The following GNE variants were observed in gnomAD, a reference collection of about 807,000 sequenced individuals.
The protein encoded by GNE is glucosamine (UDP-N-acetyl)-2-epimerase/N-acetylmannosamine kinase.
GNE carries 41 observed loss-of-function variants against 61.8 expected under a neutral mutation model. The observed-to-expected ratio is 0.66, with a 90% CI of 0.52 to 0.86. The LOEUF is 0.86. Ranked by LOEUF, GNE falls within the 40% of genes least tolerant of loss-of-function variation. The probability of loss-of-function intolerance (pLI) is 0.00; values close to 1 mark genes in which losing one functional copy is unlikely to be tolerated. For synonymous variants in GNE, 264 were observed against 326.4 expected, an observed-to-expected ratio of 0.81 and a Z score of 2.06; for missense variants, 608 against 909.1, an observed-to-expected ratio of 0.67 and a Z score of 4.26.
chr9:36,260,408 G>A (rs1830569134), upstream of GNE, among the ~76,000 whole-genome samples: 1 of 152,002 alleles, frequency 6.6e-6, no homozygotes, highest in South Asian at 2.1e-4. Context: ...GAAGAAAAAA[G>A]TAAAGTTTTA....
At chr9:36,260,007 T>G (rs1279348470), upstream of GNE, among the ~76,000 whole-genome samples, 4 of 152,040 alleles carry the variant, frequency 2.6e-5, no homozygotes, top group Non-Finnish European at 5.9e-5. Context: ...GGAGAATGGA[T>G]TGGTAGCAGT....
At chr9:36,251,099 C>T (rs1426286823) in intron 1 of GNE, among the ~76,000 whole-genome samples, 4 of 152,186 alleles carry the variant, frequency 2.6e-5, no homozygotes, top group South Asian at 4.1e-4. Context: ...AGTGAATCTC[C>T]GTATATCTAT....
chr9:36,241,911 G>A (rs1267290495), intron 3 of GNE, among the ~76,000 whole-genome samples: 3 of 151,982 alleles, frequency 2.0e-5, no homozygotes, highest in Non-Finnish European at 4.4e-5. Flanking sequence ...TGAGGAGGGC[G>A]GATCACCTGA....
chr9:36,263,513 A>G (rs1830676066), intron 1 of GNE: 1 of 154,354 alleles, frequency 6.5e-6, no homozygotes, highest in Middle Eastern at 8.0e-4. Flanking sequence ...AAGAGTTCAC[A>G]TAACTCTTCT....
intron 1 of GNE, among the ~76,000 whole-genome samples, chr9:36,271,058 T>C (rs1419136537): frequency 6.6e-6 from 1 of 152,114 alleles, no homozygotes; most frequent in Non-Finnish European, 1.5e-5. Flanking sequence ...ACTTCAGTGG[T>C]CCCCCATTCC....
intron 7 of GNE, 37 bp downstream of exon 7, chr9:36,227,211 A>T: frequency 3.1e-6 from 4 of 1,304,562 alleles, no homozygotes; most frequent in Non-Finnish European, 4.5e-6. Flanking sequence ...AATCGCTCAT[A>T]TGGGATATAA....
chr9:36,245,975 C>T (rs1049034260), intron 3 of GNE, 56 bp downstream of exon 3: 28 of 1,334,636 alleles, frequency 2.1e-5, no homozygotes, highest in Admixed American at 8.4e-5. Flanking sequence ...TTGAAATAGA[C>T]GGAACATTTT....
chr9:36,231,137 A>G (rs1423762832), intron 5 of GNE, among the ~76,000 whole-genome samples: 2 of 151,466 alleles, frequency 1.3e-5, no homozygotes, highest in Non-Finnish European at 2.9e-5. Context: ...GAAAGAAGGA[A>G]GGAAGGAAGG....
At chr9:36,241,874 G>A (rs543613703) in intron 3 of GNE, among the ~76,000 whole-genome samples, 23 of 152,184 alleles carry the variant, frequency 1.5e-4, no homozygotes, top group African/African-American at 5.3e-4. Flanking sequence ...GGTAGCTCAT[G>A]CCTATAATCC....
At chr9:36,257,366 G>A (rs1213574106) in intron 1 of GNE, among the ~76,000 whole-genome samples, 3 of 152,122 alleles carry the variant, frequency 2.0e-5, no homozygotes, top group Admixed American at 6.6e-5. Context: ...GCCCCATTCC[G>A]ACGCTATAAT....
chr9:36,243,890 T>C (rs1829752070), intron 3 of GNE, among the ~76,000 whole-genome samples: 1 of 152,102 alleles, frequency 6.6e-6, no homozygotes, highest in Non-Finnish European at 1.5e-5. Flanking sequence ...AGATTAAAAA[T>C]ATACAAAATC....
chr9:36,227,086 TAGTG>T (rs941115519), intron 7 of GNE, among the ~76,000 whole-genome samples, 158 bp downstream of exon 7: 2 of 152,130 alleles, frequency 1.3e-5, no homozygotes, highest in African/African-American at 4.8e-5. Flanking sequence ...ATCAGTAAAA[TAGTG>T]AGACAAACAT....
chr9:36,215,182 CCGGG>C lies in GNE; in HGVS notation c.*2179_*2182del, dbSNP rs936733455. ...TACTAAAAATACAAAAAAAAATCAG[CCGGG>C]CGTGGTGCATGTGCCTGTAATCCCA... On this transcript the variant is annotated 3_prime_UTR_variant, in exon 12 of 12. Coordinates refer to ENST00000642385, the MANE Select transcript of GNE (RefSeq NM_005476.7). The C allele has an allele frequency of 6.6e-6, 1 of 152,022 alleles. No homozygotes were observed. Among genetic ancestry groups the C allele is most frequent in the Non-Finnish European group, 1.5e-5 (1 of 68,032 alleles). 9.4% of individuals were successfully genotyped at this position (152,022 alleles called of 1,614,324 possible).
intron 1 of GNE, among the ~76,000 whole-genome samples, chr9:36,269,638 A>G (rs1830944395): frequency 1.4e-5 from 2 of 147,562 alleles, no homozygotes; most frequent in South Asian, 2.1e-4. Context: ...ATCTCAGTTT[A>G]TGTTGTTGGG....
intron 3 of GNE, among the ~76,000 whole-genome samples, chr9:36,238,255 G>A (rs948114356): frequency 1.3e-5 from 2 of 152,182 alleles, no homozygotes; most frequent in African/African-American, 4.8e-5. Flanking sequence ...GCGTGTGCAA[G>A]TATCTTTTTC....
upstream of GNE, among the ~76,000 whole-genome samples, chr9:36,261,610 C>T (rs2133176403): frequency 6.8e-6 from 1 of 147,782 alleles, no homozygotes; most frequent in African/African-American, 2.5e-5. Flanking sequence ...CTGCCTACCA[C>T]AAGAGGTATT....
At chr9:36,229,334 AAGG>A (rs1285833222) in intron 5 of GNE, among the ~76,000 whole-genome samples, 3 of 152,184 alleles carry the variant, frequency 2.0e-5, no homozygotes, top group African/African-American at 7.2e-5. Context: ...CTTTATTCCC[AAGG>A]AGAACAAATC....
chr9:36,223,280 A>G, intron 8 of GNE, 93 bp downstream of exon 8: 1 of 1,196,232 alleles, frequency 8.4e-7, no homozygotes, highest in Non-Finnish European at 1.2e-6. Context: ...TGCACAGGGC[A>G]GACACTGACT....
intron 3 of GNE, among the ~76,000 whole-genome samples, chr9:36,241,835 A>G (rs1829638534): frequency 6.6e-6 from 1 of 152,128 alleles, no homozygotes; most frequent in Non-Finnish European, 1.5e-5. Flanking sequence ...GAGTGATAGC[A>G]TGAGAAGTTC....
Sources: allele counts gnomAD v4.1 joint callset (sites outside exome capture counted in the v4.1 genomes callset), GRCh38; gene constraint gnomAD v4.1.1; transcripts MANE v1.5; gene names NCBI Gene and HGNC (gene_info 2026-07-23, HGNC 2026-07-21).